The following FSCN2 variants were observed in gnomAD, a reference collection of about 807,000 sequenced individuals.
The protein encoded by FSCN2 is fascin actin-bundling protein 2, retinal, also known as fascin-2.
In FSCN2, 46 loss-of-function variants were observed where a neutral mutation model predicts 37.8. That is an observed-to-expected ratio of 1.22 (90% CI 0.96 to 1.56). The LOEUF (loss-of-function observed/expected upper bound fraction) is 1.56. FSCN2 is among the 40% of genes most tolerant of loss of function. FSCN2 has a pLI of 0.00. For synonymous variants in FSCN2, 351 were observed against 309.4 expected (o/e 1.13, Z -1.41); for missense variants, 844 against 730.4 (o/e 1.16, Z -1.79).
At chr17:81,536,291 C>G in intron 3 of FSCN2, 24 bp downstream of exon 3, 1 of 1,584,468 alleles carries the variant, frequency 6.3e-7, no homozygotes, top group Middle Eastern at 1.7e-4. Context: ...CTGCCAGGTA[C>G]TGGGGCAGGG....
Position 81,528,401 on chromosome 17 carries a change from G to C in FSCN2, c.-131G>C, listed in dbSNP as rs552792338. The C allele has an allele frequency of 4.6e-3, 3,137 of 677,724 alleles. 156 individuals are homozygous for C. In the Admixed American group the frequency reaches 0.074, roughly 16 times the overall value. The allele number at this position is 677,724 out of a possible 1,614,324, so 42.0% of individuals were successfully genotyped here. On this transcript the variant is annotated 5_prime_UTR_variant, in exon 1 of 5. Coordinates refer to ENST00000417245, the MANE Select transcript of FSCN2 (RefSeq NM_012418.4). ...CAGAGGCGGGTCAGAGCAGGCAGGG[G>C]GTTCGTGACGCCGGCTGGGTCTGGG...
chr17:81,531,309 GTGGTGGTGATGA>G (rs2032560693), intron 1 of FSCN2, among the ~76,000 whole-genome samples: 5 of 81,834 alleles, frequency 6.1e-5, no homozygotes, highest in Admixed American at 3.4e-4. Context: ...GGTGATGGTG[GTGGTGGTGATGA>G]TGGTGGTGGT....
chr17:81,527,951 G>C (rs1292753416), upstream of FSCN2, among the ~76,000 whole-genome samples: 2 of 152,222 alleles, frequency 1.3e-5, no homozygotes, highest in African/African-American at 4.8e-5. Flanking sequence ...AATCAGAGAA[G>C]CAGTAACTGG....
Position 81,537,002 on chromosome 17 carries a change from G to C in FSCN2, c.1401G>C (p.Lys467Asn). 6.6e-7 allele frequency: 1 copy of C among 1,514,290 alleles called. No homozygotes were observed. The allele number at this position is 1,514,290 out of a possible 1,614,324, so 93.8% of individuals were successfully genotyped here. ...GRLAIRARSG[K>N]YLRGGASGLL... ...TGGCCATCCGCGCCCGGAGCGGCAA[G>C]TACCTGCGCGGCGGCGCCTCGGGCC... The change falls in exon 5 of 5, where the codon AAG becomes AAC. Residue 467 changes from lysine to asparagine, a missense_variant. By Grantham distance (94) the Lys-to-Asn change is moderately conservative. Transcript: ENST00000417245.
intron 1 of FSCN2, among the ~76,000 whole-genome samples, chr17:81,531,210 ATGG>A (rs1568076841): frequency 0.068 from 7,567 of 110,966 alleles, 290 homozygotes; most frequent in African/African-American, 0.18. Context: ...GATGGTGGTG[ATGG>A]TGGTGATGGT....
rs1373324825 is a variant in FSCN2, at chr17:81,532,152, GTGA to G, written c.826+2804_826+2806del. On this transcript the variant is annotated intron_variant, in intron 1 of 4. Transcript: ENST00000417245. ...GATAGTGATGGTGATGATGGTGATG[GTGA>G]TGATGATGGTGATGGTGGTGGTGAT... 1.2e-3 allele frequency among the ~76,000 whole-genome samples: 154 copies of G among 128,466 alleles called. 1 individual carries two copies. The highest frequency in any genetic ancestry group is 2.7e-3 in the African/African-American group (82 of 30,338). 84.3% of individuals were successfully genotyped at this position (128,466 alleles called of 152,430 possible).
the FSCN2 span, among the ~76,000 whole-genome samples, chr17:81,515,897 C>T: frequency 2.6e-5 from 4 of 152,228 alleles, no homozygotes; most frequent in African/African-American, 4.8e-5. Context: ...CAGGCTGGAG[C>T]GCAGTGGCGC....
rs782112521 is a variant in FSCN2, at chr17:81,528,813, G to A, written c.282G>A (p.Pro94=). ...GTGACTGCCGCTTCCTGGTCCTGCC[G>A]CAGCCAGATGGGCGCTGGGTGCTGC... ...PGRDCRFLVL[P]QPDGRWVLRS... The change falls in exon 1 of 5, where the codon CCG becomes CCA. Residue 94 remains proline, a synonymous_variant. Coordinates refer to ENST00000417245, the MANE Select transcript of FSCN2 (RefSeq NM_012418.4). 40 of 1,560,410 alleles carry A rather than the reference G, an allele frequency of 2.6e-5. No individual in the cohort carries two copies. Among genetic ancestry groups the A allele is most frequent in the African/African-American group, 2.0e-4 (15 of 73,602 alleles).
At chr17:81,520,867 ATTTC>A in the FSCN2 span, among the ~76,000 whole-genome samples, 1 of 151,774 alleles carries the variant, frequency 6.6e-6, no homozygotes, top group African/African-American at 2.4e-5. Context: ...TTCTTTTACA[ATTTC>A]TTTCTTTTGT....
At chr17:81,524,916 CA>C (rs2032303433), upstream of FSCN2, among the ~76,000 whole-genome samples, 4 of 149,822 alleles carry the variant, frequency 2.7e-5, no homozygotes, top group Admixed American at 1.3e-4. Context: ...CACACACACA[CA>C]CACCACACTC....
intron 1 of FSCN2, among the ~76,000 whole-genome samples, chr17:81,534,143 C>G (rs2032779466): frequency 6.6e-6 from 1 of 152,202 alleles, no homozygotes; most frequent in South Asian, 2.1e-4. Context: ...AGATCCCAGC[C>G]TGGGGCGTGA....
intron 1 of FSCN2, among the ~76,000 whole-genome samples, chr17:81,533,229 G>A (rs574226621): frequency 6.6e-6 from 1 of 152,294 alleles, no homozygotes; most frequent in South Asian, 2.1e-4. Context: ...AGGCTTGCAT[G>A]TATCCCCCCC....
the FSCN2 span, among the ~76,000 whole-genome samples, chr17:81,515,450 G>A: frequency 6.6e-6 from 1 of 152,250 alleles, no homozygotes; most frequent in Non-Finnish European, 1.5e-5. Flanking sequence ...CTTGGGGCCT[G>A]GAGAAGCGAT....
In FSCN2 at chr17:81,529,370, C is replaced by G. The variant is rs782649637; in HGVS notation, c.826+13C>G. ...TCTGTGCGGCAAGGTAGGGAGGGCA[C>G]AGGTGGCGACCTCCTGAGGGGTGCT... On this transcript the variant is annotated intron_variant, in intron 1 of 4. Transcript: ENST00000417245. 2 of 1,524,472 alleles carry G rather than the reference C, an allele frequency of 1.3e-6. No homozygotes were observed. Among genetic ancestry groups the G allele is most frequent in the South Asian group, 2.6e-5 (2 of 76,966 alleles). The allele number at this position is 1,524,472 out of a possible 1,614,324, so 94.4% of individuals were successfully genotyped here.
At chr17:81,517,759 C>T in the FSCN2 span, among the ~76,000 whole-genome samples, 2 of 93,706 alleles carry the variant, frequency 2.1e-5, no homozygotes, top group East Asian at 8.4e-4. Flanking sequence ...GAGCTCCGGC[C>T]GCCCCCCCCC....
rs782190168 is a variant in FSCN2, at chr17:81,529,276, G to A, written c.745G>A (p.Asp249Asn). The change falls in exon 1 of 5, where the codon GAT becomes AAT. Residue 249 changes from aspartate to asparagine, a missense_variant. Asp to Asn is a conservative substitution (Grantham distance 23). Transcript: ENST00000417245. Reference protein sequence around the residue: ...KAGRNTRPGKDELFDLEESHP... With the variant: ...KAGRNTRPGKNELFDLEESHP... ...CGGCCGAAACACGCGACCTGGCAAG[G>A]ATGAGCTCTTTGATCTGGAGGAGAG... 6.3e-6 allele frequency: 10 copies of A among 1,590,172 alleles called. No individual in the cohort carries two copies. Among genetic ancestry groups the A allele is most frequent in the Non-Finnish European group, 7.7e-6 (9 of 1,166,118 alleles).
In FSCN2 at chr17:81,537,015, G is replaced by A. The variant is rs908743048; in HGVS notation, c.1414G>A (p.Gly472Ser). Residue 472 changes from glycine (G) to serine (S), a missense_variant, in exon 5 of 5, where the codon GGC becomes AGC. Coordinates refer to ENST00000417245, the MANE Select transcript of FSCN2 (RefSeq NM_012418.4). ...CCGGAGCGGCAAGTACCTGCGCGGC[G>A]GCGCCTCGGGCCTGCTGCGGGCCGA... Reference protein sequence around the residue: ...RARSGKYLRGGASGLLRADAD... With the variant: ...RARSGKYLRGSASGLLRADAD... 6 of 1,503,738 alleles carry A rather than the reference G, an allele frequency of 4.0e-6. No individual in the cohort carries two copies. The Admixed American group carries it at 6.5e-5, about 16-fold the overall frequency. The allele number at this position is 1,503,738 out of a possible 1,614,324, so 93.1% of individuals were successfully genotyped here.
the FSCN2 span, among the ~76,000 whole-genome samples, chr17:81,515,990 G>A: frequency 0.44 from 67,577 of 152,204 alleles, 15,395 homozygotes; most frequent in East Asian, 0.8. Context: ...GACTACAGGC[G>A]TGCACCACCA....
At chr17:81,530,430 C>T (rs1262490612) in intron 1 of FSCN2, among the ~76,000 whole-genome samples, 1 of 152,238 alleles carries the variant, frequency 6.6e-6, no homozygotes, top group African/African-American at 2.4e-5. Context: ...CCTCCTTCCC[C>T]ACAAGCTGAG....
Sources: gnomAD v4.1 joint callset for allele counts (sites outside exome capture counted in the v4.1 genomes callset) on GRCh38, gnomAD v4.1.1 for gene constraint, MANE v1.5 for transcripts, NCBI Gene and HGNC (gene_info 2026-07-23, HGNC 2026-07-21) for gene names.